The following PDK1 variants were observed in gnomAD, a reference collection of about 807,000 sequenced individuals.
PDK1 encodes [Pyruvate dehydrogenase (acetyl-transferring)] kinase isozyme 1, mitochondrial.
A neutral mutation model predicts 54.2 loss-of-function variants in PDK1; 39 were observed. The ratio of observed to expected loss-of-function variants is 0.72; its 90% CI spans 0.56 to 0.94. The LOEUF is 0.94. Ranked by LOEUF, PDK1 falls within the 40% of genes least tolerant of loss-of-function variation. PDK1 has a pLI of 0.00. For missense variants in PDK1, 552 were observed against 566.0 expected (o/e 0.98, Z 0.25); for synonymous variants, 221 against 207.1 (o/e 1.07, Z -0.58).
the PDK1 span, among the ~76,000 whole-genome samples, chr2:172,699,481 T>TTC: frequency 4.0e-5 from 6 of 149,350 alleles, no homozygotes; most frequent in Non-Finnish European, 8.9e-5. Flanking sequence ...CATCTGACTT[T>TTC]TTTTTTTTTT....
downstream of PDK1, among the ~76,000 whole-genome samples, chr2:172,609,686 G>A (rs574128007): frequency 1.3e-5 from 2 of 152,302 alleles, no homozygotes; most frequent in East Asian, 1.9e-4. Flanking sequence ...TCATTAGAAC[G>A]CATGATTATC....
At chr2:172,700,029 C>A in the PDK1 span, among the ~76,000 whole-genome samples, 1 of 152,184 alleles carries the variant, frequency 6.6e-6, no homozygotes, top group African/African-American at 2.4e-5. Context: ...ATCCATTTAA[C>A]CCTTAGTGGA....
the PDK1 span, among the ~76,000 whole-genome samples, chr2:172,636,456 A>T: frequency 2.0e-5 from 3 of 152,288 alleles, no homozygotes; most frequent in African/African-American, 7.2e-5. Flanking sequence ...GCGATGGCTC[A>T]TGCCTGTAAT....
At chr2:172,634,423 C>T in the PDK1 span, among the ~76,000 whole-genome samples, 1 of 151,778 alleles carries the variant, frequency 6.6e-6, no homozygotes, top group Non-Finnish European at 1.5e-5. Flanking sequence ...CAGGTGCGCA[C>T]CATCATGCCT....
chr2:172,571,779 C>T (rs79334759), intron 8 of PDK1, among the ~76,000 whole-genome samples: 5,934 of 149,820 alleles, frequency 0.04, 402 homozygotes, highest in African/African-American at 0.14. Flanking sequence ...CAGTTCCTGG[C>T]CCTTTGTAGG....
chr2:172,592,443 C>CTCTT (rs1036334192), intron 9 of PDK1, among the ~76,000 whole-genome samples: 2 of 152,010 alleles, frequency 1.3e-5, no homozygotes, highest in East Asian at 1.9e-4. Context: ...CTGACTTTGT[C>CTCTT]TCTTTCTTTC....
the PDK1 span, among the ~76,000 whole-genome samples, chr2:172,614,773 G>T: frequency 3.3e-5 from 5 of 152,172 alleles, no homozygotes; most frequent in Non-Finnish European, 5.9e-5. Context: ...CAAGAATTCA[G>T]GCACCATGGC....
the PDK1 span, among the ~76,000 whole-genome samples, chr2:172,655,745 C>G: frequency 6.6e-6 from 1 of 152,208 alleles, no homozygotes; most frequent in Non-Finnish European, 1.5e-5. Context: ...ACAGTGTGCC[C>G]TTTTAGCCTT....
downstream of PDK1, among the ~76,000 whole-genome samples, chr2:172,613,086 T>C (rs1691513439): frequency 6.6e-6 from 1 of 152,120 alleles, no homozygotes. Flanking sequence ...TAGAAATGAA[T>C]TGTGGAGGAA....
intron 7 of PDK1, 88 bp downstream of exon 7, chr2:172,568,905 C>T (rs747884580): frequency 1.2e-5 from 9 of 773,990 alleles, no homozygotes; most frequent in Non-Finnish European, 1.8e-5. Flanking sequence ...ACTAGGTTCT[C>T]CTATTAAGAA....
the PDK1 span, among the ~76,000 whole-genome samples, chr2:172,630,200 T>C: frequency 6.6e-6 from 1 of 152,244 alleles, no homozygotes; most frequent in Non-Finnish European, 1.5e-5. Flanking sequence ...CTTGTGATTT[T>C]GGATCTTTTC....
In PDK1 at chr2:172,604,323, G is replaced by A. The variant is rs946547059; in HGVS notation, c.*8354G>A. On this transcript the variant is annotated 3_prime_UTR_variant, in exon 11 of 11. Coordinates refer to ENST00000282077, the MANE Select transcript of PDK1 (RefSeq NM_002610.5). ...CTGCCTTGGCCTCCCAAAGTGCTGGGATTTATAAGCGTGAGTCACCGTACC... is the reference window on the plus strand; with the variant it reads ...CTGCCTTGGCCTCCCAAAGTGCTGGAATTTATAAGCGTGAGTCACCGTACC... 16 of 152,278 alleles carry A rather than the reference G, an allele frequency of 1.1e-4. No individual in the cohort carries two copies. The highest frequency in any genetic ancestry group is 3.9e-4 in the African/African-American group (16 of 41,556). 9.4% of individuals were successfully genotyped at this position (152,278 alleles called of 1,614,324 possible).
At chr2:172,561,715 C>A (rs1324670929) in intron 2 of PDK1, among the ~76,000 whole-genome samples, 2 of 152,194 alleles carry the variant, frequency 1.3e-5, no homozygotes, top group East Asian at 3.9e-4. Context: ...TTTAAAAGAA[C>A]CATGTAGATT....
the PDK1 span, among the ~76,000 whole-genome samples, chr2:172,707,768 T>A: frequency 6.6e-6 from 1 of 152,256 alleles, no homozygotes. Flanking sequence ...GAATTGTGTG[T>A]TAATAGTTAT....
chr2:172,642,827 C>T, the PDK1 span, among the ~76,000 whole-genome samples: 1 of 151,488 alleles, frequency 6.6e-6, no homozygotes, highest in African/African-American at 2.4e-5. Context: ...TCTCTTTCTC[C>T]TCCTCTTCCT....
the PDK1 span, among the ~76,000 whole-genome samples, chr2:172,657,630 A>G: frequency 6.6e-6 from 1 of 152,190 alleles, no homozygotes; most frequent in African/African-American, 2.4e-5. Flanking sequence ...AGTTAAAGGC[A>G]CTTGAACAAT....
chr2:172,723,140 T>C, the PDK1 span: 1 of 152,072 alleles, frequency 6.6e-6, no homozygotes, highest in African/African-American at 2.4e-5. Context: ...TAGGAAACAG[T>C]CCTGATATAG....
chr2:172,713,250 A>G, the PDK1 span, among the ~76,000 whole-genome samples: 3 of 152,202 alleles, frequency 2.0e-5, no homozygotes, highest in Non-Finnish European at 2.9e-5. Flanking sequence ...AGGAGGACCT[A>G]TGTGCTGATT....
At chr2:172,718,647 T>G in the PDK1 span, among the ~76,000 whole-genome samples, 1 of 152,132 alleles carries the variant, frequency 6.6e-6, no homozygotes, top group Non-Finnish European at 1.5e-5. Context: ...CTGGAGTGAT[T>G]CCGTTTGGGG....
Sources: gnomAD v4.1 joint callset for allele counts (sites outside exome capture counted in the v4.1 genomes callset) on GRCh38, gnomAD v4.1.1 for gene constraint, MANE v1.5 for transcripts, NCBI Gene and HGNC (gene_info 2026-07-23, HGNC 2026-07-21) for gene names.